Variants in MINDY3 observed in about 807,000 individuals in gnomAD.
MINDY3 encodes MINDY lysine 48 deubiquitinase 3, also known as ubiquitin carboxyl-terminal hydrolase MINDY-3.
MINDY3 carries 38 observed loss-of-function variants against 69.2 expected under a neutral mutation model. The observed-to-expected ratio is 0.55, with a 90% CI of 0.42 to 0.72. The LOEUF is 0.72. MINDY3 is among the 30% of genes least tolerant of loss of function. The probability of loss-of-function intolerance (pLI) is 0.00; values close to 1 mark genes in which losing one functional copy is unlikely to be tolerated. For missense variants in MINDY3, 522 were observed against 519.0 expected, an observed-to-expected ratio of 1.01 and a Z score of -0.06; for synonymous variants, 192 against 180.1, an observed-to-expected ratio of 1.07 and a Z score of -0.53.
intron 14 of MINDY3, among the ~76,000 whole-genome samples, chr10:15,780,441 T>C (rs1243910304): frequency 6.6e-6 from 1 of 152,190 alleles, no homozygotes. Flanking sequence ...ACAAAGAATA[T>C]AATTCAAGTT....
intron 12 of MINDY3, among the ~76,000 whole-genome samples, chr10:15,788,437 C>A (rs1837144963): frequency 6.6e-6 from 1 of 152,014 alleles, no homozygotes; most frequent in African/African-American, 2.4e-5. Context: ...GGAACAAGAC[C>A]AAATTCTAAA....
In MINDY3 at chr10:15,849,076, T is replaced by C. The variant is rs543155011; in HGVS notation, c.95-1133A>G. ...ACATACAAACAGATAATTACTAAAATAAAGGAATAAACTAATGTTATAAGA... is the reference window on the plus strand; with the variant it reads ...ACATACAAACAGATAATTACTAAAACAAAGGAATAAACTAATGTTATAAGA... On this transcript the variant is annotated intron_variant, in intron 1 of 14. Transcript: ENST00000277632. Among the ~76,000 whole-genome samples the C allele has an allele frequency of 8.0e-4, 121 of 152,094 alleles. No individual in the cohort carries two copies. The Middle Eastern group carries it at 0.01, about 13-fold the overall frequency.
At position 15,853,619 on chromosome 10, in the gene MINDY3, G is replaced by C. The variant is rs1226210544; in HGVS notation, c.95-5676C>G. ...TGTCTTTTTAAAAATATATTCTGCG[G>C]AACAAAATGGAAGCTACCCATAAAG... On this transcript the variant is annotated intron_variant, in intron 1 of 14. Coordinates refer to ENST00000277632, the MANE Select transcript of MINDY3 (RefSeq NM_024948.4). Among the ~76,000 whole-genome samples, 8 of 151,966 alleles carry C rather than the reference G, an allele frequency of 5.3e-5. No homozygotes were observed. The East Asian group carries it at 1.3e-3, about 26-fold the overall frequency.
In MINDY3 at chr10:15,848,830, A is replaced by G. The variant is rs554274327; in HGVS notation, c.95-887T>C. ...CAGTGACCATCTGGATAACCCTGTG[A>G]AGATCATTTCACCTGCTTGGGCCTC... is the stretch of plus-strand genomic sequence containing the variant. On this transcript the variant is annotated intron_variant, in intron 1 of 14. Coordinates refer to ENST00000277632, the MANE Select transcript of MINDY3 (RefSeq NM_024948.4). 5.9e-4 allele frequency among the ~76,000 whole-genome samples: 90 copies of G among 152,122 alleles called. 2 individuals carry two copies. Among genetic ancestry groups the G allele is most frequent in the South Asian group, 1.0e-3 (5 of 4,824 alleles).
At chr10:15,854,134 G>C (rs371510646) in intron 1 of MINDY3, among the ~76,000 whole-genome samples, 5 of 152,144 alleles carry the variant, frequency 3.3e-5, no homozygotes, top group African/African-American at 9.6e-5. Context: ...CAGACCAATG[G>C]ATTTCAATTT....
chr10:15,820,625 A>C (rs1020237800), intron 9 of MINDY3, among the ~76,000 whole-genome samples: 1 of 152,248 alleles, frequency 6.6e-6, no homozygotes, highest in Non-Finnish European at 1.5e-5. Flanking sequence ...CTGTTTAACC[A>C]TATGATCACT....
At chr10:15,779,610 G>A (rs976426634) in intron 14 of MINDY3, among the ~76,000 whole-genome samples, 2 of 152,088 alleles carry the variant, frequency 1.3e-5, no homozygotes, top group African/African-American at 4.8e-5. Flanking sequence ...TCTAATTTAA[G>A]TATTGAATTT....
At chr10:15,857,354 T>C (rs1030810688) in intron 1 of MINDY3, among the ~76,000 whole-genome samples, 3 of 152,156 alleles carry the variant, frequency 2.0e-5, no homozygotes, top group African/African-American at 7.2e-5. Flanking sequence ...CACCCAGAAC[T>C]CTGTATTTCC....
intron 2 of MINDY3, 102 bp from the exon 3 acceptor site, chr10:15,843,374 A>C (rs936737472): frequency 2.1e-6 from 2 of 940,774 alleles, no homozygotes; most frequent in African/African-American, 3.3e-5. Flanking sequence ...CTCCCTTTCT[A>C]ATCTTTTGAC....
intron 1 of MINDY3, among the ~76,000 whole-genome samples, chr10:15,856,249 A>T (rs921640950): frequency 6.6e-6 from 1 of 151,694 alleles, no homozygotes; most frequent in Non-Finnish European, 1.5e-5. Context: ...AACTGTATTA[A>T]CTCCTAATAT....
intron 2 of MINDY3, among the ~76,000 whole-genome samples, chr10:15,847,450 A>G (rs146690446): frequency 4.5e-4 from 68 of 152,388 alleles, no homozygotes; most frequent in African/African-American, 1.6e-3. Context: ...TGAAAAAGTT[A>G]TAAGCCAGAA....
chr10:15,844,802 A>G (rs184960851), intron 2 of MINDY3, among the ~76,000 whole-genome samples: 111 of 152,298 alleles, frequency 7.3e-4, no homozygotes, highest in African/African-American at 2.5e-3. Flanking sequence ...CCTTACATGC[A>G]CTGGCAATTG....
At chr10:15,833,753 C>G (rs201377440) in intron 7 of MINDY3, 44 bp from the exon 8 acceptor site, 223 of 1,230,016 alleles carry the variant, frequency 1.8e-4, no homozygotes, top group Non-Finnish European at 2.4e-4. Context: ...AATATAGTTG[C>G]CAAATCAAAT....
At chr10:15,787,917 G>A (rs1446882859) in intron 12 of MINDY3, among the ~76,000 whole-genome samples, 1 of 152,028 alleles carries the variant, frequency 6.6e-6, no homozygotes, top group East Asian at 1.9e-4. Context: ...TTGTAAATAG[G>A]CCAAAGTAGA....
intron 9 of MINDY3, among the ~76,000 whole-genome samples, chr10:15,820,999 A>G: frequency 6.6e-6 from 1 of 152,198 alleles, no homozygotes; most frequent in Non-Finnish European, 1.5e-5. Flanking sequence ...CTTTCTCCCA[A>G]ATCATGACAT....
Position 15,833,632 on chromosome 10 carries a change from A to G in MINDY3, c.728T>C (p.Met243Thr). The G allele has an allele frequency of 6.3e-7, 1 of 1,583,242 alleles. No individual in the cohort carries two copies. ...VWDGDRECSG[M>T]KLLGIHEQAA... Reference sequence around the variant, plus strand: ...AACATAACAAGGAATATACTTACTCATTCCTGAGCACTCTCTATCACCATC... The same window carrying G: ...AACATAACAAGGAATATACTTACTCGTTCCTGAGCACTCTCTATCACCATC... Residue 243 changes from methionine to threonine, a missense_variant and splice_region_variant, in exon 8 of 15, where the codon ATG (methionine) becomes ACG (threonine). Transcript: ENST00000277632.
chr10:15,828,155 T>C (rs933464706), intron 8 of MINDY3, among the ~76,000 whole-genome samples: 2 of 152,200 alleles, frequency 1.3e-5, no homozygotes, highest in South Asian at 2.1e-4. Context: ...CTCACAGCAT[T>C]ACTCATAATG....
At chr10:15,844,315 G>A (rs1833682867) in intron 2 of MINDY3, among the ~76,000 whole-genome samples, 1 of 152,100 alleles carries the variant, frequency 6.6e-6, no homozygotes, top group Non-Finnish European at 1.5e-5. Context: ...AAGTAGAAAA[G>A]TATAACTACA....
chr10:15,850,579 C>A lies in MINDY3; in HGVS notation c.95-2636G>T, dbSNP rs1834213489. Among the ~76,000 whole-genome samples, 2 of 152,162 alleles carry A rather than the reference C, an allele frequency of 1.3e-5. 1 individual carries two copies. The highest frequency in any genetic ancestry group is 4.1e-4 in the South Asian group (2 of 4,826). Reference sequence around the variant, plus strand: ...AAGCCCTGGTCTCCTGTAGCGCCCCCAGGCTTATTAGGATTAGGAAATTCC... The same window carrying A: ...AAGCCCTGGTCTCCTGTAGCGCCCCAAGGCTTATTAGGATTAGGAAATTCC... On this transcript the variant is annotated intron_variant, in intron 1 of 14. Transcript: ENST00000277632.
Sources: gnomAD v4.1 joint callset for allele counts (sites outside exome capture counted in the v4.1 genomes callset) on GRCh38, gnomAD v4.1.1 for gene constraint, MANE v1.5 for transcripts, NCBI Gene and HGNC (gene_info 2026-07-23, HGNC 2026-07-21) for gene names.